Variants in ARHGAP8 observed in about 807,000 individuals in gnomAD.
The protein encoded by ARHGAP8 is Rho GTPase activating protein 8, also known as rho GTPase-activating protein 8.
Under a neutral mutation model 46.1 loss-of-function variants are expected in ARHGAP8, and 62 were observed. The ratio of observed to expected loss-of-function variants is 1.34; its 90% CI spans 1.10 to 1.66. The LOEUF is 1.66. Among genes scored for constraint, ARHGAP8 ranks in the 40% most tolerant of loss-of-function variants. The pLI is 0.00. For synonymous variants in ARHGAP8, 375 were observed against 243.1 expected, an observed-to-expected ratio of 1.54 and a Z score of -5.05; for missense variants, 923 against 568.4, an observed-to-expected ratio of 1.62 and a Z score of -6.34.
chr22:44,800,592 GGGC>G lies in ARHGAP8; in HGVS notation c.80-1483_80-1481del, dbSNP rs1367372653. ...CTCCCCGCAGCTGTCCATGTGTGGG[GGGC>G]GCCCCTCCCCGCAGCTGTCCATGTG... is the stretch of plus-strand genomic sequence containing the variant. On this transcript the variant is annotated intron_variant, in intron 2 of 11. Transcript: ENST00000356099. Among the ~76,000 whole-genome samples the G allele has an allele frequency of 9.4e-4, 108 of 114,960 alleles. 1 individual carries two copies. Among genetic ancestry groups the G allele is most frequent in the African/African-American group, 1.1e-3 (29 of 27,196 alleles). The allele number at this position is 114,960 out of a possible 152,430, so 75.4% of individuals were successfully genotyped here. A position where few individuals can be genotyped will look rare whatever the true frequency, so the allele number is the denominator to read the frequency against.
At chr22:44,859,513 T>C in intron 10 of ARHGAP8, 1 of 586,388 alleles carries the variant, frequency 1.7e-6, no homozygotes, top group South Asian at 2.1e-5. Context: ...TTAAACCTCT[T>C]TTCTTATAAA....
At chr22:44,848,724 G>A (rs532864399) in intron 9 of ARHGAP8, among the ~76,000 whole-genome samples, 3 of 152,264 alleles carry the variant, frequency 2.0e-5, no homozygotes, top group South Asian at 2.1e-4. Flanking sequence ...CTGGGAGCCC[G>A]GGAGGAGGCA....
At chr22:44,811,537 G>A (rs971552484) in intron 4 of ARHGAP8, among the ~76,000 whole-genome samples, 1 of 152,214 alleles carries the variant, frequency 6.6e-6, no homozygotes, top group African/African-American at 2.4e-5. Flanking sequence ...GACTTGTTCT[G>A]TGTGACTCTC....
At chr22:44,799,552 G>A (rs1175833007) in intron 2 of ARHGAP8, among the ~76,000 whole-genome samples, 1 of 152,114 alleles carries the variant, frequency 6.6e-6, no homozygotes, top group East Asian at 1.9e-4. Context: ...CAGAGGTAGG[G>A]GCCTCGTGGA....
intron 11 of ARHGAP8, among the ~76,000 whole-genome samples, chr22:44,862,008 A>AGGAGATAGTGGG (rs2147211668): frequency 6.6e-6 from 1 of 152,240 alleles, no homozygotes; most frequent in South Asian, 2.1e-4. Context: ...GCAGTGGAAG[A>AGGAGATAGTGGG]GGAGATAGTG....
At chr22:44,786,239 C>T (rs376387431) in intron 1 of ARHGAP8, 74 of 647,110 alleles carry the variant, frequency 1.1e-4, no homozygotes, top group Middle Eastern at 8.5e-4. Flanking sequence ...AATGGGTGCT[C>T]GGCTGAGGGA....
intron 8 of ARHGAP8, among the ~76,000 whole-genome samples, chr22:44,846,646 G>A (rs1294902495): frequency 2.0e-5 from 3 of 152,128 alleles, no homozygotes; most frequent in Non-Finnish European, 4.4e-5. Flanking sequence ...CCTGCTTTCC[G>A]GAAGCCCTCT....
At position 44,862,322 on chromosome 22, in the gene ARHGAP8, C is replaced by T. The variant is rs2070533881; in HGVS notation, c.1029C>T (p.Ala343=). ...IFNKMNSSNL[A]CVFGLNLIWP... is the part of the protein sequence containing the mutation. ...ACAAAATGAACAGCTCTAACCTGGC[C>T]TGTGTCTTCGGGCTGAATTTGATCT... is the stretch of plus-strand genomic sequence containing the variant. Residue 343 remains alanine, a synonymous_variant, in exon 12 of 12, where the codon GCC becomes GCT. Coordinates refer to ENST00000356099, the MANE Select transcript of ARHGAP8 (RefSeq NM_181335.3). 1.9e-6 allele frequency: 3 copies of T among 1,613,692 alleles called. No homozygotes were observed. The highest frequency in any genetic ancestry group is 1.3e-5 in the African/African-American group (1 of 75,034).
Position 44,766,532 on chromosome 22 carries a change from A to AGGCATGTGTGTCTGCATGTG in ARHGAP8, c.-72+13912_-72+13931dup, listed in dbSNP as rs1602145733. Among the ~76,000 whole-genome samples the AGGCATGTGTGTCTGCATGTG allele has an allele frequency of 2.0e-5, 3 of 151,224 alleles. No homozygotes were observed. The East Asian group carries it at 5.9e-4, about 30-fold the overall frequency. On this transcript the variant is annotated intron_variant, in intron 1 of 11. Coordinates refer to ENST00000356099, the MANE Select transcript of ARHGAP8 (RefSeq NM_181335.3). ...TGCATGTCTGTGTGCGTGTGTCTGT[A>AGGCATGTGTGTCTGCATGTG]GGCATGTGTGTCTGCATGTGGGCAT...
intron 1 of ARHGAP8, among the ~76,000 whole-genome samples, chr22:44,782,547 G>C (rs903381198): frequency 2.0e-5 from 3 of 151,774 alleles, no homozygotes; most frequent in Non-Finnish European, 4.4e-5. Flanking sequence ...TTCTGTCTCT[G>C]TGGATTTGCC....
At chr22:44,860,346 C>T (rs1056940953) in intron 11 of ARHGAP8, among the ~76,000 whole-genome samples, 6 of 152,128 alleles carry the variant, frequency 3.9e-5, no homozygotes, top group Non-Finnish European at 5.9e-5. Context: ...TGTGCTCCTT[C>T]CAGAGGCTCT....
intron 4 of ARHGAP8, chr22:44,808,718 C>T (rs1255576713): frequency 3.5e-6 from 2 of 578,696 alleles, no homozygotes; most frequent in African/African-American, 3.7e-5. Flanking sequence ...AATCCCAGTA[C>T]TTTGGGAGGC....
rs372845815 is a variant in ARHGAP8, at chr22:44,862,602, G to C, written c.*7G>C. On this transcript the variant is annotated 3_prime_UTR_variant, in exon 12 of 12. Transcript: ENST00000356099. ...AGCCAGAAGACGTCTCTAGTGTTGC[G>C]AACACTCTGTATATTTCGAGCTACC... The C allele has an allele frequency of 2.4e-5, 38 of 1,554,672 alleles. No individual in the cohort carries two copies. The highest frequency in any genetic ancestry group is 4.8e-5 in the South Asian group (4 of 84,042).
At chr22:44,814,014 C>T (rs372337667) in intron 4 of ARHGAP8, among the ~76,000 whole-genome samples, 2 of 152,290 alleles carry the variant, frequency 1.3e-5, no homozygotes, top group African/African-American at 2.4e-5. Flanking sequence ...CAGCAGGACA[C>T]ACCGTCCCCC....
At position 44,755,595 on chromosome 22, in the gene ARHGAP8, C is replaced by A. The variant is rs144666040; in HGVS notation, c.-72+2968C>A. Among the ~76,000 whole-genome samples the A allele has an allele frequency of 1.3e-3, 194 of 152,276 alleles. 1 individual carries two copies. Among genetic ancestry groups the A allele is most frequent in the Non-Finnish European group, 2.1e-3 (146 of 68,026 alleles). On this transcript the variant is annotated intron_variant, in intron 1 of 11. Transcript: ENST00000356099. ...AGAGCGCGCTGCTCCGGAGTCCTGC[C>A]CCAGCTGCCTTCACAGGGCGTCTCC... is the stretch of plus-strand genomic sequence containing the variant.
chr22:44,858,268 CAGT>C (rs761574858), intron 10 of ARHGAP8, among the ~76,000 whole-genome samples: 2 of 152,088 alleles, frequency 1.3e-5, no homozygotes, highest in Non-Finnish European at 2.9e-5. Flanking sequence ...TGTGGGTACA[CAGT>C]AGCATAGGCA....
At chr22:44,825,162 C>T (rs184565261) in intron 6 of ARHGAP8, among the ~76,000 whole-genome samples, 3 of 152,028 alleles carry the variant, frequency 2.0e-5, no homozygotes, top group African/African-American at 7.2e-5. Flanking sequence ...CAGACACTTG[C>T]GAGAGCTGAG....
rs1157771899 is a variant in ARHGAP8, at chr22:44,862,520, A to G, written c.1227A>G (p.Pro409=). The stretch of plus-strand genomic sequence containing the variant: ...CAGCCCCTTTGCAGGAGGCTGTGCC[A>G]CGGACACAAGCCACGGGCCTCACCA... The part of the protein sequence containing the change: ...SRAAPLQEAV[P]RTQATGLTKP... Residue 409 remains proline, a synonymous_variant, in exon 12 of 12, where the codon CCA becomes CCG. Transcript: ENST00000356099. 5.6e-6 allele frequency: 9 copies of G among 1,612,236 alleles called. No homozygotes were observed. Among genetic ancestry groups the G allele is most frequent in the African/African-American group, 2.7e-5 (2 of 75,012 alleles).
intron 2 of ARHGAP8, among the ~76,000 whole-genome samples, chr22:44,789,814 T>C (rs1329650451): frequency 6.6e-6 from 1 of 152,198 alleles, no homozygotes; most frequent in Non-Finnish European, 1.5e-5. Flanking sequence ...ACCTTCTTTA[T>C]GTCTGGTGAT....
Sources: gnomAD v4.1 joint callset for allele counts (sites outside exome capture counted in the v4.1 genomes callset) on GRCh38, gnomAD v4.1.1 for gene constraint, MANE v1.5 for transcripts, NCBI Gene and HGNC (gene_info 2026-07-23, HGNC 2026-07-21) for gene names.